ZC3H10: variants seen among roughly 807,000 people sequenced by gnomAD.
The protein encoded by ZC3H10 is zinc finger CCCH-type containing 10.
ZC3H10 carries 12 observed loss-of-function variants against 24.3 expected under a neutral mutation model. The observed-to-expected ratio is 0.49, with a 90% CI of 0.32 to 0.80. ZC3H10 has a LOEUF of 0.80. Among genes scored for constraint, ZC3H10 ranks in the 30% least tolerant of loss-of-function variants. The pLI, the probability that ZC3H10 is intolerant of heterozygous loss-of-function variation, is 0.04. For missense variants in ZC3H10, 360 were observed against 576.3 expected (o/e 0.62, Z 3.84); for synonymous variants, 226 against 217.0 (o/e 1.04, Z -0.36).
Position 56,126,720 on chromosome 12 carries a change from T to C in ZC3H10, c.*4853T>C, listed in dbSNP as rs1870006456. Reference sequence around the variant, plus strand: ...ACTCATAATTCCTCCAATTTCCTTGTTTCCCTTTTCTACCTGCTTACCTCT... The same window carrying C: ...ACTCATAATTCCTCCAATTTCCTTGCTTCCCTTTTCTACCTGCTTACCTCT... On this transcript the variant is annotated 3_prime_UTR_variant, in exon 3 of 3. Coordinates refer to ENST00000257940, the MANE Select transcript of ZC3H10 (RefSeq NM_032786.3). 2 of 152,170 alleles carry C rather than the reference T, an allele frequency of 1.3e-5. No individual in the cohort carries two copies. Among genetic ancestry groups the C allele is most frequent in the Non-Finnish European group, 2.9e-5 (2 of 68,026 alleles). 9.4% of individuals were successfully genotyped at this position (152,170 alleles called of 1,614,324 possible).
chr12:56,124,735 T>A lies in ZC3H10; in HGVS notation c.*2868T>A, dbSNP rs548880198. 6.6e-6 allele frequency: 1 copy of A among 152,312 alleles called. No homozygotes were observed. Among genetic ancestry groups the A allele is most frequent in the East Asian group, 1.9e-4 (1 of 5,194 alleles). 9.4% of individuals were successfully genotyped at this position (152,312 alleles called of 1,614,324 possible). ...GTAACACAGGAAGAGCTAAATAATA[T>A]TCAAAGTGTCTGTAACTTGAATTGA... is the stretch of plus-strand genomic sequence containing the variant. On this transcript the variant is annotated 3_prime_UTR_variant, in exon 3 of 3. Coordinates refer to ENST00000257940, the MANE Select transcript of ZC3H10 (RefSeq NM_032786.3).
At position 56,121,295 on chromosome 12, in the gene ZC3H10, G is replaced by A; in HGVS notation, c.733G>A (p.Ala245Thr). The change falls in exon 3 of 3, where the codon GCC becomes ACC. Residue 245 changes from alanine (A) to threonine (T), a missense_variant. Around this residue, in one of 3 missense-constraint regions of ZC3H10, gnomAD observed 133 missense variants for 256.7 expected, o/e 0.52. Coordinates refer to ENST00000257940, the MANE Select transcript of ZC3H10 (RefSeq NM_032786.3). The surrounding 1 kb of genome is among the most constrained non-coding windows in gnomAD (Gnocchi z 6.2). Reference sequence around the variant, plus strand: ...GTGCAGACTGCTAGAGGAGGAGAATGCCATGCTCAGGAAGCGGGTAGAGGA... The same window carrying A: ...GTGCAGACTGCTAGAGGAGGAGAATACCATGCTCAGGAAGCGGGTAGAGGA... ...VECRLLEEEN[A>T]MLRKRVEELK... 1.2e-6 allele frequency: 2 copies of A among 1,613,456 alleles called. No individual in the cohort carries two copies. Among genetic ancestry groups the A allele is most frequent in the Non-Finnish European group, 1.7e-6 (2 of 1,179,942 alleles).
chr12:56,125,504 C>G lies in ZC3H10; in HGVS notation c.*3637C>G, dbSNP rs752160032. ...TCGGCCTCCCAAAGTGCTGGGATTA[C>G]AGGCGTTGAGCCACCGCACCCAGCC... On this transcript the variant is annotated 3_prime_UTR_variant, in exon 3 of 3. Coordinates refer to ENST00000257940, the MANE Select transcript of ZC3H10 (RefSeq NM_032786.3). 6.6e-6 allele frequency: 1 copy of G among 152,386 alleles called. No homozygotes were observed. The highest frequency in any genetic ancestry group is 1.5e-5 in the Non-Finnish European group (1 of 68,116). The allele number at this position is 152,386 out of a possible 1,614,324, so 9.4% of individuals were successfully genotyped here. A position where few individuals can be genotyped will look rare whatever the true frequency, so the allele number is the denominator to read the frequency against.
chr12:56,119,703 A>G (rs980126713), intron 2 of ZC3H10: 10 of 152,250 alleles, frequency 6.6e-5, no homozygotes, highest in East Asian at 3.9e-4. Flanking sequence ...TATGGAGTCT[A>G]TAAATAAAGA....
At position 56,120,595 on chromosome 12, in the gene ZC3H10, C is replaced by G. The variant is rs1312557796; in HGVS notation, c.33C>G (p.Thr11=). 1 of 1,574,282 alleles carries G rather than the reference C, an allele frequency of 6.4e-7. No homozygotes were observed. The highest frequency in any genetic ancestry group is 1.8e-5 in the Admixed American group (1 of 56,738). Residue 11 remains threonine (T), a synonymous_variant, in exon 3 of 3, where the codon ACC becomes ACG. Coordinates refer to ENST00000257940, the MANE Select transcript of ZC3H10 (RefSeq NM_032786.3). ...ACCGGGACAGCTATGCCAACGGTAC[C>G]GGGAGCAGCGGTGGAGGCCCTGGAG... The part of the protein sequence containing the change: MPDRDSYANG[T]GSSGGGPGGG...
chr12:56,121,561 C>T lies in ZC3H10; in HGVS notation c.999C>T (p.Ala333=), dbSNP rs1869841040. 1 of 1,613,936 alleles carries T rather than the reference C, an allele frequency of 6.2e-7. No homozygotes were observed. The highest frequency in any genetic ancestry group is 8.5e-7 in the Non-Finnish European group (1 of 1,179,986). The change falls in exon 3 of 3, where the codon GCC becomes GCT. Residue 333 remains alanine, a synonymous_variant. Coordinates refer to ENST00000257940, the MANE Select transcript of ZC3H10 (RefSeq NM_032786.3). This position sits in a 1 kb window ranked among gnomAD's most constrained non-coding sequence, Gnocchi z 6.2. ...PRPVSQQELV[A]PAGAPAAPPT... is the part of the protein sequence containing the mutation. The stretch of plus-strand genomic sequence containing the variant: ...CAGTGTCCCAGCAAGAACTGGTGGC[C>T]CCTGCTGGAGCTCCAGCTGCTCCCC...
In ZC3H10 at chr12:56,120,874, C is replaced by T; in HGVS notation, c.312C>T (p.Gly104=). 1 of 1,614,150 alleles carries T rather than the reference C, an allele frequency of 6.2e-7. No individual in the cohort carries two copies. Among genetic ancestry groups the T allele is most frequent in the Non-Finnish European group, 8.5e-7 (1 of 1,180,014 alleles). ...FIHGSKEDED[G]YKKTGELPPR... ...ATGGCTCCAAGGAGGATGAGGATGG[C>T]TATAAGAAGACAGGAGAGCTTCCCC... The change falls in exon 3 of 3, where the codon GGC becomes GGT. Residue 104 remains glycine (G), a synonymous_variant. Transcript: ENST00000257940.
chr12:56,124,670 C>A lies in ZC3H10; in HGVS notation c.*2803C>A, dbSNP rs1869940870. The A allele has an allele frequency of 6.6e-6, 1 of 152,282 alleles. No homozygotes were observed. Among genetic ancestry groups the A allele is most frequent in the African/African-American group, 2.4e-5 (1 of 41,550 alleles). 9.4% of individuals were successfully genotyped at this position (152,282 alleles called of 1,614,324 possible). ...TATGTTTTATTGTAAAAAGAAAAAA[C>A]CCAACTCGGGTAAACATGTAAAAAA... is the stretch of plus-strand genomic sequence containing the variant. On this transcript the variant is annotated 3_prime_UTR_variant, in exon 3 of 3. Transcript: ENST00000257940.
chr12:56,124,611 G>A lies in ZC3H10; in HGVS notation c.*2744G>A, dbSNP rs1221954800. 6.6e-6 allele frequency: 1 copy of A among 152,210 alleles called. No individual in the cohort carries two copies. Among genetic ancestry groups the A allele is most frequent in the African/African-American group, 2.4e-5 (1 of 41,446 alleles). The allele number at this position is 152,210 out of a possible 1,614,324, so 9.4% of individuals were successfully genotyped here. A position where few individuals can be genotyped will look rare whatever the true frequency, so the allele number is the denominator to read the frequency against. On this transcript the variant is annotated 3_prime_UTR_variant, in exon 3 of 3. Transcript: ENST00000257940. ...TGTTGGTTAGCGCATTTATGTTAGA[G>A]AAATCTCTGTTCTCTAGTGATAAGC...
In ZC3H10 at chr12:56,120,944, G is replaced by T. The variant is rs1448749070; in HGVS notation, c.382G>T (p.Ala128Ser). The stretch of plus-strand genomic sequence containing the variant: ...AGCAGCTGGCCTTGGCCTTTCACCG[G>T]CTGACCTACCAAATGGCAAGGAGGA... ...KVAAGLGLSPADLPNGKEEVP... is the reference protein window; with the variant it reads ...KVAAGLGLSPSDLPNGKEEVP... Residue 128 changes from alanine (A) to serine (S), a missense_variant, in exon 3 of 3, where the codon GCT becomes TCT. Coordinates refer to ENST00000257940, the MANE Select transcript of ZC3H10 (RefSeq NM_032786.3). 6.2e-7 allele frequency: 1 copy of T among 1,614,142 alleles called. No homozygotes were observed. Among genetic ancestry groups the T allele is most frequent in the Non-Finnish European group, 8.5e-7 (1 of 1,180,022 alleles).
intron 1 of ZC3H10, 187 bp from the exon 2 acceptor site, chr12:56,118,901 T>G (rs1869723294): frequency 6.6e-6 from 1 of 152,566 alleles, no homozygotes; most frequent in Admixed American, 6.5e-5. Context: ...TCCCAGTCCC[T>G]CCGAATTAGT....
intron 2 of ZC3H10, 42 bp downstream of exon 2, chr12:56,119,193 CTAAT>C (rs1328538459): frequency 1.3e-5 from 2 of 152,696 alleles, no homozygotes; most frequent in African/African-American, 4.8e-5. Context: ...AGCATCATAA[CTAAT>C]TATCTGCTGC....
rs995320887 is a variant in ZC3H10 at position 56,123,484 on chromosome 12, C to T, written c.*1617C>T. On this transcript the variant is annotated 3_prime_UTR_variant, in exon 3 of 3. Transcript: ENST00000257940. ...GTCACCAGACCGGAGTGCAGTGGCG[C>T]AATCTCGGTTCACTGTAACCTGCGC... The T allele has an allele frequency of 1.3e-5, 2 of 150,542 alleles. 1 individual carries two copies. The highest frequency in any genetic ancestry group is 4.9e-5 in the African/African-American group (2 of 40,812). The allele number at this position is 150,542 out of a possible 1,614,324, so 9.3% of individuals were successfully genotyped here. A position where few individuals can be genotyped will look rare whatever the true frequency, so the allele number is the denominator to read the frequency against.
Position 56,126,872 on chromosome 12 carries a change from G to A in ZC3H10, c.*5005G>A, listed in dbSNP as rs1870011714. ...AGGAAGTGAAAAAATTTAAGTGATAGAGGCTGAGCAGGGACAGGTTTTAAG... is the reference window on the plus strand; with the variant it reads ...AGGAAGTGAAAAAATTTAAGTGATAAAGGCTGAGCAGGGACAGGTTTTAAG... On this transcript the variant is annotated 3_prime_UTR_variant, in exon 3 of 3. Transcript: ENST00000257940. The A allele has an allele frequency of 6.6e-6, 1 of 152,200 alleles. No homozygotes were observed. The highest frequency in any genetic ancestry group is 6.5e-5 in the Admixed American group (1 of 15,272). The allele number at this position is 152,200 out of a possible 1,614,324, so 9.4% of individuals were successfully genotyped here. A position where few individuals can be genotyped will look rare whatever the true frequency, so the allele number is the denominator to read the frequency against.
Position 56,127,025 on chromosome 12 carries a change from CCA to C in ZC3H10, c.*5159_*5160del, listed in dbSNP as rs1870015960. On this transcript the variant is annotated 3_prime_UTR_variant, in exon 3 of 3. Transcript: ENST00000257940. Reference sequence around the variant, plus strand: ...GCTAGTTTCTTCCCAGTGATCAACCCCAGTTCTTCTGCTGCATCTGACAGATT... The same window carrying C: ...GCTAGTTTCTTCCCAGTGATCAACCCGTTCTTCTGCTGCATCTGACAGATT... 1 of 152,204 alleles carries C rather than the reference CCA, an allele frequency of 6.6e-6. No individual in the cohort carries two copies. The allele number at this position is 152,204 out of a possible 1,614,324, so 9.4% of individuals were successfully genotyped here.
In ZC3H10 at chr12:56,124,927, ATATT is replaced by A. The variant is rs747470661; in HGVS notation, c.*3065_*3068del. The A allele has an allele frequency of 1.1e-4, 17 of 152,218 alleles. No individual in the cohort carries two copies. Among genetic ancestry groups the A allele is most frequent in the South Asian group, 4.1e-4 (2 of 4,834 alleles). The allele number at this position is 152,218 out of a possible 1,614,324, so 9.4% of individuals were successfully genotyped here. A position where few individuals can be genotyped will look rare whatever the true frequency, so the allele number is the denominator to read the frequency against. On this transcript the variant is annotated 3_prime_UTR_variant, in exon 3 of 3. Transcript: ENST00000257940. ...TAGCCCTCAAGATGTCCATTTATAA[ATATT>A]TATTAAGAGCCTGCTATGTTCTAGG...
Position 56,124,492 on chromosome 12 carries a change from C to T in ZC3H10, c.*2625C>T, listed in dbSNP as rs543927458. 5 of 152,228 alleles carry T rather than the reference C, an allele frequency of 3.3e-5. No homozygotes were observed. Among genetic ancestry groups the T allele is most frequent in the South Asian group, 2.1e-4 (1 of 4,824 alleles). 9.4% of individuals were successfully genotyped at this position (152,228 alleles called of 1,614,324 possible). A position where few individuals can be genotyped will look rare whatever the true frequency, so the allele number is the denominator to read the frequency against. ...AGAGGAAAATTACGGGTCAGTTAAT[C>T]GTAGCATTTTTTCCATGCAAATGGC... On this transcript the variant is annotated 3_prime_UTR_variant, in exon 3 of 3. Coordinates refer to ENST00000257940, the MANE Select transcript of ZC3H10 (RefSeq NM_032786.3).
In ZC3H10 at chr12:56,121,952, C is replaced by G; in HGVS notation, c.*85C>G. 1 of 1,426,078 alleles carries G rather than the reference C, an allele frequency of 7.0e-7. No homozygotes were observed. Among genetic ancestry groups the G allele is most frequent in the Non-Finnish European group, 9.4e-7 (1 of 1,065,136 alleles). The allele number at this position is 1,426,078 out of a possible 1,614,324, so 88.3% of individuals were successfully genotyped here. On this transcript the variant is annotated 3_prime_UTR_variant, in exon 3 of 3. Transcript: ENST00000257940. The surrounding 1 kb of genome is among the most constrained non-coding windows in gnomAD (Gnocchi z 6.2). ...CCCACTCACCTAGCCTTCCCCATCC[C>G]TGTCTGAAGGGCTCCCTTGAGAACT...
chr12:56,120,265 T>C (rs1419290869), intron 2 of ZC3H10: 2 of 985,348 alleles, frequency 2.0e-6, no homozygotes, highest in Non-Finnish European at 2.4e-6. Flanking sequence ...ACACTATTTT[T>C]TCCCTGCTCC....
Sources: gnomAD v4.1 joint callset for allele counts on GRCh38, gnomAD v4.1.1 for gene constraint, gnomAD v4.1.1 regional missense constraint, Gnocchi (gnomAD v3.1) non-coding constraint, MANE v1.5 for transcripts, NCBI Gene and HGNC (gene_info 2026-07-23, HGNC 2026-07-21) for gene names.